The following NUP155 variants were observed in gnomAD, a reference collection of about 807,000 sequenced individuals.
NUP155 encodes nucleoporin 155.
In NUP155, 71 loss-of-function variants were observed where a neutral mutation model predicts 180.4. The observed-to-expected ratio is 0.39, with a 90% CI of 0.33 to 0.48. The LOEUF (loss-of-function observed/expected upper bound fraction) is 0.48. Among genes scored for constraint, NUP155 ranks in the 20% least tolerant of loss-of-function variants. The pLI is 0.91. For synonymous variants in NUP155, 582 were observed against 559.5 expected (o/e 1.04, Z -0.57); for missense variants, 1,553 against 1,648.9 (o/e 0.94, Z 1.01).
intron 22 of NUP155, among the ~76,000 whole-genome samples, chr5:37,311,308 C>A (rs1450378797): frequency 6.6e-6 from 1 of 152,126 alleles, no homozygotes; most frequent in Non-Finnish European, 1.5e-5. Flanking sequence ...AATTTGCATT[C>A]ATTGAGCATG....
intron 20 of NUP155, among the ~76,000 whole-genome samples, chr5:37,319,288 G>A (rs1348956603): frequency 2.6e-5 from 4 of 152,172 alleles, no homozygotes; most frequent in Non-Finnish European, 5.9e-5. Context: ...ACAATTCTAT[G>A]AATTTACTAA....
At chr5:37,351,724 C>T (rs1342815446) in intron 5 of NUP155, among the ~76,000 whole-genome samples, 4 of 144,760 alleles carry the variant, frequency 2.8e-5, no homozygotes, top group Non-Finnish European at 6.0e-5. Context: ...GCTAAGATTA[C>T]AGGCAAGAGC....
At chr5:37,293,955 C>T (rs1285809643) in intron 33 of NUP155, among the ~76,000 whole-genome samples, 4 of 71,478 alleles carry the variant, frequency 5.6e-5, no homozygotes, top group Admixed American at 1.4e-4. Context: ...GCCGAGATTG[C>T]GCCACTGCAG....
intron 29 of NUP155, among the ~76,000 whole-genome samples, chr5:37,302,449 T>C (rs574331110): frequency 6.6e-6 from 1 of 152,370 alleles, no homozygotes; most frequent in South Asian, 2.1e-4. Context: ...TTGGCCAGGC[T>C]GGTCTCGAAC....
At chr5:37,366,820 T>A (rs1747615036) in intron 1 of NUP155, among the ~76,000 whole-genome samples, 1 of 151,978 alleles carries the variant, frequency 6.6e-6, no homozygotes, top group South Asian at 2.1e-4. Context: ...CCAGGCTAAT[T>A]TTTTTATTTT....
intron 4 of NUP155, among the ~76,000 whole-genome samples, chr5:37,355,647 T>C (rs1396886024): frequency 1.3e-5 from 2 of 151,780 alleles, no homozygotes; most frequent in South Asian, 2.1e-4. Flanking sequence ...GGCGTGATCT[T>C]GGCTCACTGC....
chr5:37,319,227 T>C (rs760908586), intron 20 of NUP155, among the ~76,000 whole-genome samples: 1 of 152,218 alleles, frequency 6.6e-6, no homozygotes, highest in Non-Finnish European at 1.5e-5. Context: ...ACATGAGGTA[T>C]GTCTCCTAGA....
At chr5:37,328,256 A>G in intron 17 of NUP155, 102 bp downstream of exon 17, 1 of 906,928 alleles carries the variant, frequency 1.1e-6, no homozygotes, top group Non-Finnish European at 1.7e-6. Flanking sequence ...TTTATTTTCA[A>G]GGGAATAAGG....
chr5:37,292,015 A>C lies in NUP155; in HGVS notation c.4061T>G (p.Leu1354Arg), dbSNP rs1027929074. 4 of 1,614,162 alleles carry C rather than the reference A, an allele frequency of 2.5e-6. No homozygotes were observed. In the East Asian group the frequency reaches 8.9e-5, roughly 36 times the overall value. The change falls in exon 35 of 35, where the codon CTG (leucine) becomes CGG (arginine). Residue 1354 changes from leucine (L) to arginine (R), a missense_variant. By Grantham distance (102) the Leu-to-Arg change is moderately radical. Coordinates refer to ENST00000231498, the MANE Select transcript of NUP155 (RefSeq NM_153485.3). Reference sequence around the variant, plus strand: ...AACAAGGTAACCACAAACAGCATCCAGGCAGAGATTTGTAAATCTTCTCCT... The same window carrying C: ...AACAAGGTAACCACAAACAGCATCCCGGCAGAGATTTGTAAATCTTCTCCT... ...CERRRFTNLCLDAVCGYLVEL... is the reference protein window; with the variant it reads ...CERRRFTNLCRDAVCGYLVEL...
chr5:37,318,359 G>C (rs1270832247), intron 20 of NUP155, among the ~76,000 whole-genome samples: 2 of 151,892 alleles, frequency 1.3e-5, no homozygotes, highest in Admixed American at 6.6e-5. Context: ...GTAAAAAGAG[G>C]GGGTAAAGGA....
intron 18 of NUP155, among the ~76,000 whole-genome samples, 163 bp downstream of exon 18, chr5:37,327,466 G>T (rs1409802261): frequency 6.6e-6 from 1 of 152,128 alleles, no homozygotes; most frequent in Non-Finnish European, 1.5e-5. Flanking sequence ...AATATAGTTA[G>T]ATAACAAAAA....
At chr5:37,339,502 C>T (rs1216538698) in intron 11 of NUP155, among the ~76,000 whole-genome samples, 1 of 151,936 alleles carries the variant, frequency 6.6e-6, no homozygotes, top group Non-Finnish European at 1.5e-5. Context: ...GTGGCACATG[C>T]CTGTAGTCCC....
At chr5:37,337,677 G>T in intron 12 of NUP155, 141 bp downstream of exon 12, 1 of 591,522 alleles carries the variant, frequency 1.7e-6, no homozygotes, top group Non-Finnish European at 3.0e-6. Flanking sequence ...ATAATTGACA[G>T]GATAATTTCT....
chr5:37,333,523 T>C lies in NUP155; in HGVS notation c.1458A>G (p.Ser486=). 6.2e-7 allele frequency: 1 copy of C among 1,614,088 alleles called. No homozygotes were observed. Among genetic ancestry groups the C allele is most frequent in the South Asian group, 1.1e-5 (1 of 91,090 alleles). The part of the protein sequence containing the change: ...LNKDHIPITD[S]PVVVQQHMLP... Reference sequence around the variant, plus strand: ...ACATGTGCTGCTGTACAACAACTGGTGAATCAGTTATTGGAATATGATCCT... The same window carrying C: ...ACATGTGCTGCTGTACAACAACTGGCGAATCAGTTATTGGAATATGATCCT... The change falls in exon 13 of 35, where the codon TCA becomes TCG. Residue 486 remains serine (S), a synonymous_variant. Coordinates refer to ENST00000231498, the MANE Select transcript of NUP155 (RefSeq NM_153485.3).
intron 3 of NUP155, among the ~76,000 whole-genome samples, chr5:37,360,143 CA>C (rs897014242): frequency 3.4e-5 from 5 of 147,660 alleles, no homozygotes; most frequent in African/African-American, 1.0e-4. Context: ...ATAAAACAGA[CA>C]AAAAAAAATA....
At chr5:37,312,872 G>C (rs182739240) in intron 22 of NUP155, among the ~76,000 whole-genome samples, 2 of 152,204 alleles carry the variant, frequency 1.3e-5, no homozygotes, top group Non-Finnish European at 2.9e-5. Context: ...GTTGTTCAAG[G>C]AACTGTCTAT....
intron 1 of NUP155, 71 bp from the exon 2 acceptor site, chr5:37,364,455 C>T: frequency 1.4e-6 from 2 of 1,398,780 alleles, no homozygotes; most frequent in Non-Finnish European, 2.0e-6. Context: ...GGATTGAGTG[C>T]CACAAAAAAA....
intron 21 of NUP155, among the ~76,000 whole-genome samples, chr5:37,314,905 T>G (rs1231575381): frequency 6.6e-6 from 1 of 151,836 alleles, no homozygotes; most frequent in African/African-American, 2.4e-5. Flanking sequence ...GAAAGTAACT[T>G]GGGACAAAAG....
At chr5:37,323,962 G>T (rs1561784567) in intron 20 of NUP155, 30 bp downstream of exon 20, 1 of 1,399,956 alleles carries the variant, frequency 7.1e-7, no homozygotes, top group Non-Finnish European at 1.0e-6. Flanking sequence ...AAAAGAAAAA[G>T]ATGAATTAAT....
Sources: allele counts gnomAD v4.1 joint callset (sites outside exome capture counted in the v4.1 genomes callset), GRCh38; gene constraint gnomAD v4.1.1; transcripts MANE v1.5; gene names NCBI Gene and HGNC (gene_info 2026-07-23, HGNC 2026-07-21).